BRD10: variants seen among roughly 807,000 people sequenced by gnomAD.
BRD10 encodes bromodomain containing 10, also known as uncharacterized bromodomain-containing protein 10.
chr9:5,923,111 A>G, the BRD10 span: 1 of 1,613,952 alleles, frequency 6.2e-7, no homozygotes, highest in Non-Finnish European at 8.5e-7. Flanking sequence ...TAGATTCTCA[A>G]CTGTTGTCTC....
At chr9:5,939,756 C>T in the BRD10 span, among the ~76,000 whole-genome samples, 1 of 152,202 alleles carries the variant, frequency 6.6e-6, no homozygotes, top group Non-Finnish European at 1.5e-5. Flanking sequence ...ACATTTGGGA[C>T]AAGACAGTTC....
At chr9:5,898,709 G>A in the BRD10 span, among the ~76,000 whole-genome samples, 1 of 152,130 alleles carries the variant, frequency 6.6e-6, no homozygotes, top group South Asian at 2.1e-4. Context: ...TGCTGGTTCT[G>A]TTACTCCACT....
chr9:5,959,686 A>G, the BRD10 span, among the ~76,000 whole-genome samples: 13 of 152,336 alleles, frequency 8.5e-5, no homozygotes, highest in African/African-American at 3.1e-4. Flanking sequence ...ACAGAACTAT[A>G]TAATAACCTT....
chr9:5,967,370 G>C, the BRD10 span, among the ~76,000 whole-genome samples: 4 of 152,138 alleles, frequency 2.6e-5, no homozygotes, highest in African/African-American at 9.7e-5. Flanking sequence ...AGACTTCATA[G>C]AATTTTCTGT....
chr9:5,988,219 T>C, the BRD10 span: 2 of 662,430 alleles, frequency 3.0e-6, no homozygotes, highest in Non-Finnish European at 5.1e-6. Context: ...TATTGCGATA[T>C]TTCATTATGA....
the BRD10 span, among the ~76,000 whole-genome samples, chr9:5,961,848 T>C: frequency 6.6e-6 from 1 of 152,182 alleles, no homozygotes; most frequent in Non-Finnish European, 1.5e-5. Context: ...TATCAAATCA[T>C]TTTCAACCAA....
At chr9:5,951,326 C>CT in the BRD10 span, among the ~76,000 whole-genome samples, 1 of 30,788 alleles carries the variant, frequency 3.2e-5, no homozygotes, top group Non-Finnish European at 2.5e-4. Context: ...CTCATTAGGA[C>CT]TTAAAAAAAA....
the BRD10 span, among the ~76,000 whole-genome samples, chr9:5,994,152 A>G: frequency 6.6e-6 from 1 of 152,122 alleles, no homozygotes; most frequent in Non-Finnish European, 1.5e-5. Flanking sequence ...CCCTCACCAA[A>G]AACTTTTTAT....
chr9:5,976,624 G>C, the BRD10 span, among the ~76,000 whole-genome samples: 6 of 152,066 alleles, frequency 3.9e-5, no homozygotes, highest in Non-Finnish European at 8.8e-5. Flanking sequence ...ATACATATAA[G>C]TAAAATATAA....
the BRD10 span, among the ~76,000 whole-genome samples, chr9:5,988,896 T>C: frequency 1.3e-5 from 2 of 152,066 alleles, no homozygotes; most frequent in East Asian, 1.9e-4. Context: ...ACAGAAACAT[T>C]TGGAAAAAGA....
chr9:5,937,698 T>C, the BRD10 span, among the ~76,000 whole-genome samples: 1 of 152,228 alleles, frequency 6.6e-6, no homozygotes, highest in Non-Finnish European at 1.5e-5. Context: ...AATCTTTCTT[T>C]GGAAGAGAGA....
At chr9:5,905,483 C>A in the BRD10 span, among the ~76,000 whole-genome samples, 7 of 152,312 alleles carry the variant, frequency 4.6e-5, no homozygotes, top group South Asian at 4.1e-4. Context: ...AGGGTTAAAT[C>A]ATGCCCTTCA....
the BRD10 span, among the ~76,000 whole-genome samples, chr9:5,958,954 G>C: frequency 6.6e-6 from 1 of 152,120 alleles, no homozygotes; most frequent in Non-Finnish European, 1.5e-5. Flanking sequence ...TCTATCTCAA[G>C]TAAGCAATTT....
chr9:5,880,679 C>T, the BRD10 span, among the ~76,000 whole-genome samples: 2 of 151,856 alleles, frequency 1.3e-5, no homozygotes, highest in South Asian at 4.2e-4. Flanking sequence ...CCCTTTCCCT[C>T]CCCTTCCCTT....
At chr9:5,986,335 G>C in the BRD10 span, among the ~76,000 whole-genome samples, 1 of 152,168 alleles carries the variant, frequency 6.6e-6, no homozygotes, top group Non-Finnish European at 1.5e-5. Flanking sequence ...AGTATTCCAT[G>C]GTCTGTATGT....
the BRD10 span, chr9:6,008,394 A>C: frequency 1.6e-6 from 1 of 624,826 alleles, no homozygotes; most frequent in Non-Finnish European, 2.0e-6. Context: ...CAGGGAGAGA[A>C]GGGGGAGGGC....
At chr9:5,916,769 T>A in the BRD10 span, among the ~76,000 whole-genome samples, 1 of 152,100 alleles carries the variant, frequency 6.6e-6, no homozygotes, top group African/African-American at 2.4e-5. Context: ...ATACTAAGTA[T>A]AAAAACATGA....
the BRD10 span, among the ~76,000 whole-genome samples, chr9:5,954,488 A>AT: frequency 6.6e-6 from 1 of 152,238 alleles, no homozygotes; most frequent in Non-Finnish European, 1.5e-5. Flanking sequence ...AGGAACTTGC[A>AT]TAAGAACTAC....
At chr9:5,957,271 A>G in the BRD10 span, among the ~76,000 whole-genome samples, 6 of 152,136 alleles carry the variant, frequency 3.9e-5, no homozygotes, top group Middle Eastern at 3.2e-3. Flanking sequence ...TAACTCACTC[A>G]TGTGTCACAC....
Sources: gnomAD v4.1 joint callset for allele counts (sites outside exome capture counted in the v4.1 genomes callset) on GRCh38, gnomAD v4.1.1 for gene constraint, MANE v1.5 for transcripts, NCBI Gene and HGNC (gene_info 2026-07-23, HGNC 2026-07-21) for gene names.